Variants in C6orf132 observed in about 807,000 individuals in gnomAD.
C6orf132 encodes chromosome 6 open reading frame 132.
Under a neutral mutation model 65.3 loss-of-function variants are expected in C6orf132, and 43 were observed. The observed-to-expected ratio is 0.66, with a 90% confidence interval of 0.52 to 0.85. C6orf132 has a LOEUF of 0.85. Among genes scored for constraint, C6orf132 ranks in the 40% least tolerant of loss-of-function variants. The probability of loss-of-function intolerance (pLI) is 0.00; values close to 1 mark genes in which losing one functional copy is unlikely to be tolerated. For missense variants in C6orf132, 1,488 were observed against 1,548.8 expected, an observed-to-expected ratio of 0.96 and a Z score of 0.66; for synonymous variants, 631 against 654.1, an observed-to-expected ratio of 0.96 and a Z score of 0.54.
At chr6:42,118,868 A>ATT (rs546407195) in intron 2 of C6orf132, among the ~76,000 whole-genome samples, 344 of 113,160 alleles carry the variant, frequency 3.0e-3, no homozygotes, top group Middle Eastern at 0.014. Context: ...CAGCCCTTTA[A>ATT]TTTTTTTTTT....
intron 2 of C6orf132, among the ~76,000 whole-genome samples, chr6:42,116,032 C>A (rs963832429): frequency 6.7e-6 from 1 of 149,264 alleles, no homozygotes; most frequent in Non-Finnish European, 1.5e-5. Context: ...CGGGTTCCAG[C>A]GATTCTCCTG....
intron 2 of C6orf132, among the ~76,000 whole-genome samples, chr6:42,116,805 G>T (rs1284621125): frequency 6.6e-6 from 1 of 152,068 alleles, no homozygotes; most frequent in Non-Finnish European, 1.5e-5. Flanking sequence ...GAACCTGACC[G>T]ACTCATGAAC....
chr6:42,120,270 G>C (rs1388393468), intron 2 of C6orf132, among the ~76,000 whole-genome samples: 2 of 146,902 alleles, frequency 1.4e-5, no homozygotes, highest in South Asian at 2.2e-4. Flanking sequence ...TTCTTGAGAC[G>C]GAGTCTTGCT....
chr6:42,119,678 C>G (rs1046693199), intron 2 of C6orf132, among the ~76,000 whole-genome samples: 4 of 151,836 alleles, frequency 2.6e-5, no homozygotes, highest in Admixed American at 2.6e-4. Context: ...TTTTGTGGGA[C>G]AGGGTCTTGC....
intron 2 of C6orf132, among the ~76,000 whole-genome samples, chr6:42,125,316 G>C (rs975896628): frequency 6.6e-6 from 1 of 152,202 alleles, no homozygotes; most frequent in Non-Finnish European, 1.5e-5. Context: ...ACGCCACCCT[G>C]TGCCTCAGTT....
rs1042751031 is a variant in C6orf132, at chr6:42,142,373, G to A, written c.72C>T (p.Ser24=). 3 of 1,551,548 alleles carry A rather than the reference G, an allele frequency of 1.9e-6. No individual in the cohort carries two copies. The highest frequency in any genetic ancestry group is 2.7e-5 in the African/African-American group (2 of 73,160). The change falls in exon 1 of 5, where the codon AGC becomes AGT. Residue 24 remains serine (S), a synonymous_variant. Coordinates refer to ENST00000341865, the MANE Select transcript of C6orf132 (RefSeq NM_001164446.3). Reference sequence around the variant, plus strand: ...GCGGATTGGTGGCGTAGAGGGAGGTGCTGGGGGTCGTGGTGTGCTTCTTCC... The same window carrying A: ...GCGGATTGGTGGCGTAGAGGGAGGTACTGGGGGTCGTGGTGTGCTTCTTCC... ...LFGKKHTTTP[S]TSLYATNPPW...
chr6:42,109,719 C>A (rs540708282), intron 3 of C6orf132, among the ~76,000 whole-genome samples: 1 of 152,256 alleles, frequency 6.6e-6, no homozygotes, highest in Admixed American at 6.5e-5. Flanking sequence ...AACCTTTTCT[C>A]TGAGTGACAC....
Position 42,117,948 on chromosome 6 carries a change from AAAG to A in C6orf132, c.253-7660_253-7658del, listed in dbSNP as rs1324403522. 1.5e-3 allele frequency among the ~76,000 whole-genome samples: 221 copies of A among 147,024 alleles called. 2 individuals are homozygous for A. The highest frequency in any genetic ancestry group is 5.4e-3 in the African/African-American group (202 of 37,674). Reference sequence around the variant, plus strand: ...CAAAAAAAAAAAAAAAAAAAAAAAAAAAGAATATGGGACAAAGAGGCAGAAAAC... The same window carrying A: ...CAAAAAAAAAAAAAAAAAAAAAAAAAAATATGGGACAAAGAGGCAGAAAAC... On this transcript the variant is annotated intron_variant, in intron 2 of 4. Coordinates refer to ENST00000341865, the MANE Select transcript of C6orf132 (RefSeq NM_001164446.3).
At position 42,105,488 on chromosome 6, in the gene C6orf132, C is replaced by A. The variant is rs1263372968; in HGVS notation, c.2424G>T (p.Gly808=). 2 of 1,533,308 alleles carry A rather than the reference C, an allele frequency of 1.3e-6. No homozygotes were observed. Among genetic ancestry groups the A allele is most frequent in the East Asian group, 4.9e-5 (2 of 40,842 alleles). 95.0% of individuals were successfully genotyped at this position (1,533,308 alleles called of 1,614,324 possible). A position where few individuals can be genotyped will look rare whatever the true frequency, so the allele number is the denominator to read the frequency against. ...CCGAGGCAGGAGGCTTGGCTGGCAG[C>A]CCTGGGGGCTCCTTCACCTCCACGG... is the stretch of plus-strand genomic sequence containing the variant. ...GEPVEVKEPP[G]LPAKPPASAQ... Residue 808 remains glycine (G), a synonymous_variant, in exon 4 of 5, where the codon GGG becomes GGT. Coordinates refer to ENST00000341865, the MANE Select transcript of C6orf132 (RefSeq NM_001164446.3).
At position 42,107,347 on chromosome 6, in the gene C6orf132, G is replaced by T; in HGVS notation, c.565C>A (p.Pro189Thr). 1 of 1,181,698 alleles carries T rather than the reference G, an allele frequency of 8.5e-7. No individual in the cohort carries two copies. The highest frequency in any genetic ancestry group is 1.2e-6 in the Non-Finnish European group (1 of 857,090). The allele number at this position is 1,181,698 out of a possible 1,614,324, so 73.2% of individuals were successfully genotyped here. Residue 189 changes from proline to threonine, a missense_variant, in exon 4 of 5, where the codon CCT (proline) becomes ACT (threonine). Pro to Thr is a conservative substitution (Grantham distance 38). Transcript: ENST00000341865. ...EPPPPPSMAP[P>T]PPPVLEALSP... The stretch of plus-strand genomic sequence containing the variant: ...AGGGCCTCCAATACTGGGGGTGGAG[G>T]TGGGGCCATGCTGGGCGGGGGTGGG...
chr6:42,101,432 C>CG lies in C6orf132; in HGVS notation c.*2328_*2329insC, dbSNP rs1392508374. Reference sequence around the variant, plus strand: ...TCCACCAGACAGACTATTAGCTTGCCATGAACAGGAGTCATGTGGGTGAGC... The same window carrying CG: ...TCCACCAGACAGACTATTAGCTTGCCGATGAACAGGAGTCATGTGGGTGAGC... On this transcript the variant is annotated 3_prime_UTR_variant, in exon 5 of 5. Coordinates refer to ENST00000341865, the MANE Select transcript of C6orf132 (RefSeq NM_001164446.3). The CG allele has an allele frequency of 6.6e-6, 1 of 152,202 alleles. No homozygotes were observed. Among genetic ancestry groups the CG allele is most frequent in the Non-Finnish European group, 1.5e-5 (1 of 68,050 alleles). The allele number at this position is 152,202 out of a possible 1,614,324, so 9.4% of individuals were successfully genotyped here.
rs1169218182 is a variant in C6orf132, at chr6:42,132,864, A to AAAAAGAAAAG, written c.146-4096_146-4087dup. On this transcript the variant is annotated intron_variant, in intron 1 of 4. Coordinates refer to ENST00000341865, the MANE Select transcript of C6orf132 (RefSeq NM_001164446.3). Reference sequence around the variant, plus strand: ...AGAGTGAGACTCTGTCTCAAAAAAAAAAAAGAAAAGAAAAGAAAAGAAAAG... The same window carrying AAAAAGAAAAG: ...AGAGTGAGACTCTGTCTCAAAAAAAAAAAAGAAAAGAAAAGAAAAGAAAAGAAAAGAAAAG... Among the ~76,000 whole-genome samples, 804 of 148,640 alleles carry AAAAAGAAAAG rather than the reference A, an allele frequency of 5.4e-3. 17 individuals carry two copies. Among genetic ancestry groups the AAAAAGAAAAG allele is most frequent in the African/African-American group, 0.018 (717 of 38,828 alleles).
rs1300421874 is a variant in C6orf132, at chr6:42,101,325, G to A, written c.*2436C>T. 6.6e-6 allele frequency: 1 copy of A among 152,200 alleles called. No individual in the cohort carries two copies. Among genetic ancestry groups the A allele is most frequent in the Non-Finnish European group, 1.5e-5 (1 of 68,048 alleles). 9.4% of individuals were successfully genotyped at this position (152,200 alleles called of 1,614,324 possible). On this transcript the variant is annotated 3_prime_UTR_variant, in exon 5 of 5. Coordinates refer to ENST00000341865, the MANE Select transcript of C6orf132 (RefSeq NM_001164446.3). ...AATCCACTCCTCTCCCCACTCGCTA[G>A]TTATTCTCTCACGTTCCCTGTTTTT...
At chr6:42,125,708 T>C (rs963592216) in intron 2 of C6orf132, among the ~76,000 whole-genome samples, 3 of 152,166 alleles carry the variant, frequency 2.0e-5, no homozygotes, top group African/African-American at 7.2e-5. Context: ...TCCCAGGAAG[T>C]ATTTCCCCAG....
chr6:42,129,580 C>T (rs1257975248), intron 1 of C6orf132, among the ~76,000 whole-genome samples: 1 of 152,166 alleles, frequency 6.6e-6, no homozygotes, highest in Non-Finnish European at 1.5e-5. Flanking sequence ...CCTCTTCCTC[C>T]AGTTACTGAG....
At chr6:42,118,831 C>G (rs527979408) in intron 2 of C6orf132, among the ~76,000 whole-genome samples, 24 of 150,206 alleles carry the variant, frequency 1.6e-4, no homozygotes, top group Admixed American at 2.7e-4. Context: ...CAGAGGTGTA[C>G]AAGCCAGCAA....
At position 42,107,136 on chromosome 6, in the gene C6orf132, T is replaced by C. The variant is rs1766425297; in HGVS notation, c.776A>G (p.Lys259Arg). 5 of 1,436,754 alleles carry C rather than the reference T, an allele frequency of 3.5e-6. No individual in the cohort carries two copies. The South Asian group carries it at 4.4e-5, about 13-fold the overall frequency. 89.0% of individuals were successfully genotyped at this position (1,436,754 alleles called of 1,614,324 possible). The change falls in exon 4 of 5, where the codon AAA (lysine) becomes AGA (arginine). Residue 259 changes from lysine to arginine, a missense_variant. Lys to Arg is a conservative substitution (Grantham distance 26, BLOSUM62 2). Transcript: ENST00000341865. Reference sequence around the variant, plus strand: ...CCTGCCATTCAGTGCTACATCTGATTTCCACTTGGTGACACCCCCAGGGGG... The same window carrying C: ...CCTGCCATTCAGTGCTACATCTGATCTCCACTTGGTGACACCCCCAGGGGG... ...LFPPGGVTKWKSDVALNGRQA... is the reference protein window; with the variant it reads ...LFPPGGVTKWRSDVALNGRQA...
intron 2 of C6orf132, among the ~76,000 whole-genome samples, chr6:42,113,917 C>T (rs750118262): frequency 1.3e-5 from 2 of 152,092 alleles, no homozygotes; most frequent in African/African-American, 2.4e-5. Context: ...TATCCCTAAC[C>T]CAGGAAACCA....
rs1325520545 is a variant in C6orf132, at chr6:42,104,799, C to T, written c.3113G>A (p.Arg1038His). The change falls in exon 4 of 5, where the codon CGC (arginine) becomes CAC (histidine). Residue 1038 changes from arginine to histidine, a missense_variant. Transcript: ENST00000341865. The surrounding 1 kb of genome is among the most constrained non-coding windows in gnomAD (Gnocchi z 4.1). ...PGAPPALGFS[R>H]FPAGARYAGA... ...GGCGTAGCGCGCGCCCGCGGGAAAG[C>T]GCGAGAAGCCGAGAGCCGGGGGCGC... The T allele has an allele frequency of 4.0e-6, 6 of 1,490,602 alleles. No homozygotes were observed. Among genetic ancestry groups the T allele is most frequent in the Middle Eastern group, 2.1e-4 (1 of 4,842 alleles). The allele number at this position is 1,490,602 out of a possible 1,614,324, so 92.3% of individuals were successfully genotyped here.
Sources: allele counts gnomAD v4.1 joint callset (sites outside exome capture counted in the v4.1 genomes callset), GRCh38; gene constraint gnomAD v4.1.1; non-coding constraint Gnocchi (gnomAD v3.1); transcripts MANE v1.5; gene names NCBI Gene and HGNC (gene_info 2026-07-23, HGNC 2026-07-21).